Variants in SMAD3 observed in about 807,000 individuals in gnomAD.
SMAD3 encodes the protein MAD homolog 3.
SMAD3 carries 12 observed loss-of-function variants against 51.8 expected under a neutral mutation model. The ratio of observed to expected loss-of-function variants is 0.23; its 90% CI spans 0.15 to 0.38. The LOEUF (loss-of-function observed/expected upper bound fraction) is 0.38. Ranked by LOEUF, SMAD3 falls within the 10% of genes least tolerant of loss-of-function variation. The pLI, the probability that SMAD3 is intolerant of heterozygous loss-of-function variation, is 1.00. For synonymous variants in SMAD3, 238 were observed against 227.7 expected (o/e 1.05, Z -0.41); for missense variants, 294 against 565.6 (o/e 0.52, Z 4.87).
intron 1 of SMAD3, among the ~76,000 whole-genome samples, chr15:67,080,288 T>A (rs1403440098): frequency 6.6e-6 from 1 of 152,248 alleles, no homozygotes; most frequent in Non-Finnish European, 1.5e-5. Flanking sequence ...CTGGACGAGA[T>A]GTTGAAAACA....
In SMAD3 at chr15:67,153,438, C is replaced by A. The variant is rs112920366; in HGVS notation, c.207-11457C>A. The stretch of plus-strand genomic sequence containing the variant: ...ACTGGAGGTTGCAGTGAGCCAAGAT[C>A]ACTCCGCTGTACTCCAGCCTGGGCA... On this transcript the variant is annotated intron_variant, in intron 1 of 8. Coordinates refer to ENST00000327367, the MANE Select transcript of SMAD3 (RefSeq NM_005902.4). Among the ~76,000 whole-genome samples, 13 of 145,028 alleles carry A rather than the reference C, an allele frequency of 9.0e-5. 1 individual carries two copies. Among genetic ancestry groups the A allele is most frequent in the African/African-American group, 3.4e-4 (13 of 38,694 alleles).
At chr15:67,157,802 C>T (rs1962323663) in intron 1 of SMAD3, among the ~76,000 whole-genome samples, 1 of 152,322 alleles carries the variant, frequency 6.6e-6, no homozygotes, top group South Asian at 2.1e-4. Context: ...TGGCTCTCAC[C>T]ACCATTTTGG....
At chr15:67,179,603 A>G (rs893881275) in intron 5 of SMAD3, among the ~76,000 whole-genome samples, 4 of 152,108 alleles carry the variant, frequency 2.6e-5, no homozygotes, top group African/African-American at 9.7e-5. Flanking sequence ...CTTAGAAAGG[A>G]TCATGCACCT....
intron 8 of SMAD3, among the ~76,000 whole-genome samples, chr15:67,189,939 A>G (rs1271515568): frequency 1.3e-5 from 2 of 152,000 alleles, no homozygotes; most frequent in Non-Finnish European, 2.9e-5. Context: ...GGCGCTTTGT[A>G]AAAAACACCC....
rs1963465280 is a variant in SMAD3, at chr15:67,194,957, G to A, written c.*4421G>A. ...AGGGATGGGGAATAGAACATTGACT[G>A]TGTTGATTACCTTCACTATTCGGCC... On this transcript the variant is annotated 3_prime_UTR_variant, in exon 9 of 9. Transcript: ENST00000327367. The A allele has an allele frequency of 4.3e-6, 1 of 233,636 alleles. No individual in the cohort carries two copies. Among genetic ancestry groups the A allele is most frequent in the East Asian group, 6.0e-5 (1 of 16,716 alleles). 14.5% of individuals were successfully genotyped at this position (233,636 alleles called of 1,614,324 possible). A position where few individuals can be genotyped will look rare whatever the true frequency, so the allele number is the denominator to read the frequency against.
At position 67,191,536 on chromosome 15, in the gene SMAD3, T is replaced by C. The variant is rs1289543268; in HGVS notation, c.*1000T>C. 1 of 233,212 alleles carries C rather than the reference T, an allele frequency of 4.3e-6. No individual in the cohort carries two copies. Among genetic ancestry groups the C allele is most frequent in the Non-Finnish European group, 8.5e-6 (1 of 117,998 alleles). 14.4% of individuals were successfully genotyped at this position (233,212 alleles called of 1,614,324 possible). On this transcript the variant is annotated 3_prime_UTR_variant, in exon 9 of 9. Coordinates refer to ENST00000327367, the MANE Select transcript of SMAD3 (RefSeq NM_005902.4). The stretch of plus-strand genomic sequence containing the variant: ...TATGCTCTTTTAAATGTTTGGTTTA[T>C]ATATTTTCTTTAAAAATCCTGGGCT...
intron 1 of SMAD3, among the ~76,000 whole-genome samples, chr15:67,127,881 A>G (rs768402046): frequency 6.6e-6 from 1 of 152,232 alleles, no homozygotes; most frequent in Non-Finnish European, 1.5e-5. Context: ...GAGACTATCA[A>G]TGAAGCTGGG....
chr15:67,184,650 T>C (rs749799484), intron 6 of SMAD3, 77 bp from the exon 7 acceptor site: 7 of 1,571,688 alleles, frequency 4.5e-6, no homozygotes, highest in Non-Finnish European at 6.1e-6. Context: ...TCTGCCTCCT[T>C]TGCGAGCCTC....
chr15:67,162,957 G>T (rs1317898069), intron 1 of SMAD3, among the ~76,000 whole-genome samples: 1 of 150,500 alleles, frequency 6.6e-6, no homozygotes, highest in African/African-American at 2.5e-5. Context: ...TGATGATGAT[G>T]ATGATGATGA....
At chr15:67,173,258 G>T (rs4776345) in intron 5 of SMAD3, among the ~76,000 whole-genome samples, 8,330 of 152,124 alleles carry the variant, frequency 0.055, 302 homozygotes, top group Admixed American at 0.095. Flanking sequence ...GCCTGGGGGC[G>T]GGGAGGGGGG....
At chr15:67,109,918 C>G (rs1436086695) in intron 1 of SMAD3, among the ~76,000 whole-genome samples, 1 of 152,198 alleles carries the variant, frequency 6.6e-6, no homozygotes, top group Non-Finnish European at 1.5e-5. Context: ...CTCCAGATAA[C>G]ATGAAGCCAT....
chr15:67,165,743 G>A (rs949842245), intron 3 of SMAD3, among the ~76,000 whole-genome samples: 12 of 152,244 alleles, frequency 7.9e-5, no homozygotes, highest in African/African-American at 2.9e-4. Flanking sequence ...TGCAGAGGCG[G>A]GGAGTGAGCT....
At chr15:67,156,035 G>A (rs1962274606) in intron 1 of SMAD3, among the ~76,000 whole-genome samples, 1 of 152,052 alleles carries the variant, frequency 6.6e-6, no homozygotes, top group South Asian at 2.1e-4. Context: ...GGGGATAGTA[G>A]GGTAGCTTGA....
intron 1 of SMAD3, among the ~76,000 whole-genome samples, chr15:67,104,544 A>G (rs1355454853): frequency 6.6e-6 from 1 of 152,230 alleles, no homozygotes; most frequent in African/African-American, 2.4e-5. Context: ...GGCCCCCAGT[A>G]AGTGATAAAT....
chr15:67,094,882 C>T (rs1036791991), intron 1 of SMAD3, among the ~76,000 whole-genome samples: 3 of 152,178 alleles, frequency 2.0e-5, no homozygotes, highest in Non-Finnish European at 4.4e-5. Context: ...GGGCGGATGG[C>T]AGGGCTGCAT....
intron 1 of SMAD3, among the ~76,000 whole-genome samples, chr15:67,140,915 C>T (rs1248795035): frequency 6.6e-6 from 1 of 152,078 alleles, no homozygotes; most frequent in Non-Finnish European, 1.5e-5. Flanking sequence ...CAGACAGTAG[C>T]AACTTGTTGC....
chr15:67,097,526 T>A (rs1311211959), intron 1 of SMAD3, among the ~76,000 whole-genome samples: 1 of 152,146 alleles, frequency 6.6e-6, no homozygotes, highest in African/African-American at 2.4e-5. Flanking sequence ...ATTACAGGTG[T>A]GAGCCACTGC....
At chr15:67,185,875 A>G (rs1022324376) in intron 7 of SMAD3, among the ~76,000 whole-genome samples, 3 of 152,268 alleles carry the variant, frequency 2.0e-5, no homozygotes, top group Non-Finnish European at 4.4e-5. Context: ...TGGCCAGGCC[A>G]TTGCCTGTGG....
At chr15:67,189,507 C>T (rs1031859563) in intron 8 of SMAD3, among the ~76,000 whole-genome samples, 14 of 152,248 alleles carry the variant, frequency 9.2e-5, no homozygotes, top group African/African-American at 2.4e-4. Flanking sequence ...TGGCCCACCG[C>T]GTCACCGCTG....
Sources: gnomAD v4.1 joint callset for allele counts (sites outside exome capture counted in the v4.1 genomes callset) on GRCh38, gnomAD v4.1.1 for gene constraint, MANE v1.5 for transcripts, NCBI Gene and HGNC (gene_info 2026-07-23, HGNC 2026-07-21) for gene names.